Variants in KCNK10 observed in about 807,000 individuals in gnomAD.
KCNK10 encodes the protein potassium two pore domain channel subfamily K member 10, also known as potassium channel subfamily K member 10.
A neutral mutation model predicts 47.7 loss-of-function variants in KCNK10; 25 were observed. That is an observed-to-expected ratio of 0.52 (90% CI 0.38 to 0.73). KCNK10 has a LOEUF of 0.73. Ranked by LOEUF, KCNK10 falls within the 30% of genes least tolerant of loss-of-function variation. The pLI, the probability that KCNK10 is intolerant of heterozygous loss-of-function variation, is 0.00. For synonymous variants in KCNK10, 303 were observed against 285.6 expected (o/e 1.06, Z -0.61); for missense variants, 563 against 714.5 (o/e 0.79, Z 2.42).
chr14:88,314,634 G>C (rs1397101255), intron 1 of KCNK10, among the ~76,000 whole-genome samples: 2 of 152,146 alleles, frequency 1.3e-5, no homozygotes, highest in African/African-American at 4.8e-5. Flanking sequence ...AGAGTATCAG[G>C]AGGGTTGTGC....
Position 88,263,373 on chromosome 14 carries a change from C to T in KCNK10, c.231G>A (p.Val77=). ...GLQTVMKWKT[V]VAIFVVVVVY... is the part of the protein sequence containing the mutation. ...CCACCACAACCACAAAGATGGCAACCACCGTCTTCCACTTCATGACGGTCT... is the reference window on the plus strand; with the variant it reads ...CCACCACAACCACAAAGATGGCAACTACCGTCTTCCACTTCATGACGGTCT... The change falls in exon 2 of 7, where the codon GTG becomes GTA. Residue 77 remains valine, a synonymous_variant. Transcript: ENST00000319231. 1 of 1,614,030 alleles carries T rather than the reference C, an allele frequency of 6.2e-7. No individual in the cohort carries two copies. Among genetic ancestry groups the T allele is most frequent in the Non-Finnish European group, 8.5e-7 (1 of 1,180,052 alleles).
rs11446535 is a variant in KCNK10 at position 88,220,604 on chromosome 14, G to GAA, written c.681+6769_681+6770dup. On this transcript the variant is annotated intron_variant, in intron 4 of 6. Coordinates refer to ENST00000319231, the MANE Select transcript of KCNK10 (RefSeq NM_138317.3). The stretch of plus-strand genomic sequence containing the variant: ...AAAGGAGCAAAGGCGACAACATGGA[G>GAA]AAAAAAAAAAAGGTCTTTTCAACAA... 3.7e-3 allele frequency among the ~76,000 whole-genome samples: 535 copies of GAA among 143,014 alleles called. 3 individuals carry two copies. The highest frequency in any genetic ancestry group is 0.013 in the African/African-American group (490 of 38,640). 93.8% of individuals were successfully genotyped at this position (143,014 alleles called of 152,430 possible).
chr14:88,322,255 G>GC lies in KCNK10; in HGVS notation c.52+491dup, dbSNP rs1467926636. 2.6e-5 allele frequency among the ~76,000 whole-genome samples: 4 copies of GC among 152,148 alleles called. No homozygotes were observed. The highest frequency in any genetic ancestry group is 9.7e-5 in the African/African-American group (4 of 41,412). On this transcript the variant is annotated intron_variant, in intron 1 of 6. Coordinates refer to ENST00000319231, the MANE Select transcript of KCNK10 (RefSeq NM_138317.3). This position sits in a 1 kb window ranked among gnomAD's most constrained non-coding sequence, Gnocchi z 4.8. ...TTATTCTGCATGCCCTGCGAGAACG[G>GC]CCCACCCCTAGGGACGGCTGCTGCA... is the stretch of plus-strand genomic sequence containing the variant.
At chr14:88,203,446 C>T (rs913221578) in intron 4 of KCNK10, among the ~76,000 whole-genome samples, 8 of 152,208 alleles carry the variant, frequency 5.3e-5, no homozygotes, top group African/African-American at 1.9e-4. Flanking sequence ...CTTCAGCTGC[C>T]TCGAGGCAGG....
rs58319931 is a variant in KCNK10, at chr14:88,279,364, CGTGTGTGTGTGTGTGTGTGTGTGTGT to C, written c.53-15839_53-15814del. 4.4e-5 allele frequency among the ~76,000 whole-genome samples: 6 copies of C among 137,674 alleles called. No homozygotes were observed. The East Asian group carries it at 1.3e-3, about 30-fold the overall frequency. 90.3% of individuals were successfully genotyped at this position (137,674 alleles called of 152,430 possible). On this transcript the variant is annotated intron_variant, in intron 1 of 6. Coordinates refer to ENST00000319231, the MANE Select transcript of KCNK10 (RefSeq NM_138317.3). Reference sequence around the variant, plus strand: ...TTAGTTAAGGGAGAATTGCCAGATACGTGTGTGTGTGTGTGTGTGTGTGTGTGTGTGTGTGTGTGTGTGTGTTACAA... The same window carrying C: ...TTAGTTAAGGGAGAATTGCCAGATACGTGTGTGTGTGTGTGTGTGTTACAA...
intron 2 of KCNK10, among the ~76,000 whole-genome samples, chr14:88,256,061 G>C (rs529283175): frequency 6.6e-6 from 1 of 152,320 alleles, no homozygotes; most frequent in African/African-American, 2.4e-5. Flanking sequence ...TCAGGGGTAA[G>C]ATTCTAGAGA....
chr14:88,311,905 G>A (rs934941027), intron 1 of KCNK10, among the ~76,000 whole-genome samples: 2 of 152,098 alleles, frequency 1.3e-5, no homozygotes, highest in South Asian at 2.1e-4. Flanking sequence ...GAACCAGAAG[G>A]GGGGCACAGT....
intron 1 of KCNK10, among the ~76,000 whole-genome samples, chr14:88,318,054 G>A (rs12884581): frequency 2.6e-5 from 4 of 151,954 alleles, no homozygotes; most frequent in Non-Finnish European, 5.9e-5. Context: ...TTCTTACTTC[G>A]GGTCAAAGAC....
intron 1 of KCNK10, among the ~76,000 whole-genome samples, chr14:88,291,446 G>T (rs760536429): frequency 7.9e-5 from 12 of 152,150 alleles, no homozygotes; most frequent in African/African-American, 2.7e-4. Flanking sequence ...AAGAGAATTC[G>T]CTGGAGAAAA....
Position 88,211,834 on chromosome 14 carries a change from T to C in KCNK10, c.681+15541A>G, listed in dbSNP as rs555473630. On this transcript the variant is annotated intron_variant, in intron 4 of 6. Coordinates refer to ENST00000319231, the MANE Select transcript of KCNK10 (RefSeq NM_138317.3). ...TTGCTTGAACCTGAGAGGCAGAGGT[T>C]GCAGTGAGCCGAGATCGTGCCATTG... Among the ~76,000 whole-genome samples, 94 of 149,020 alleles carry C rather than the reference T, an allele frequency of 6.3e-4. No homozygotes were observed. In the Middle Eastern group the frequency reaches 0.024, roughly 39 times the overall value.
At chr14:88,212,872 A>G (rs1885505815) in intron 4 of KCNK10, among the ~76,000 whole-genome samples, 1 of 152,244 alleles carries the variant, frequency 6.6e-6, no homozygotes, top group African/African-American at 2.4e-5. Flanking sequence ...GATTCAGTTC[A>G]GGAGAGTGCA....
chr14:88,268,611 C>T lies in KCNK10; in HGVS notation c.53-5060G>A, dbSNP rs527828193. ...GCCCTTTTATCCCAAAAAATAGGAACGACATTTGTTTCAAATAGGCATTAA... is the reference window on the plus strand; with the variant it reads ...GCCCTTTTATCCCAAAAAATAGGAATGACATTTGTTTCAAATAGGCATTAA... On this transcript the variant is annotated intron_variant, in intron 1 of 6. Transcript: ENST00000319231. Among the ~76,000 whole-genome samples, 26 of 152,200 alleles carry T rather than the reference C, an allele frequency of 1.7e-4. No individual in the cohort carries two copies. The East Asian group carries it at 1.9e-3, about 11-fold the overall frequency.
At chr14:88,214,466 G>A (rs371914402) in intron 4 of KCNK10, among the ~76,000 whole-genome samples, 5 of 152,174 alleles carry the variant, frequency 3.3e-5, no homozygotes, top group African/African-American at 9.7e-5. Context: ...CTCTCGCAGA[G>A]GTGGGTCAAA....
intron 2 of KCNK10, among the ~76,000 whole-genome samples, chr14:88,248,196 T>A (rs1277157823): frequency 6.6e-6 from 1 of 152,152 alleles, no homozygotes; most frequent in Admixed American, 6.5e-5. Flanking sequence ...TTTCTATTTT[T>A]AAAAAACTGT....
intron 4 of KCNK10, among the ~76,000 whole-genome samples, chr14:88,226,987 T>G (rs1566692820): frequency 6.6e-6 from 1 of 152,076 alleles, no homozygotes; most frequent in African/African-American, 2.4e-5. Context: ...TGCTTGAAAA[T>G]AAAACGGAGT....
At chr14:88,300,512 G>A (rs1396680555) in intron 1 of KCNK10, among the ~76,000 whole-genome samples, 1 of 152,154 alleles carries the variant, frequency 6.6e-6, no homozygotes, top group Non-Finnish European at 1.5e-5. Context: ...CATAATATGA[G>A]AAACCAAAGG....
intron 3 of KCNK10, among the ~76,000 whole-genome samples, chr14:88,231,455 C>T (rs755321424): frequency 6.6e-6 from 1 of 152,160 alleles, no homozygotes; most frequent in Non-Finnish European, 1.5e-5. Context: ...TGGGCAGAGT[C>T]AGGTGGCTCA....
At chr14:88,209,990 T>C (rs1171656948) in intron 4 of KCNK10, among the ~76,000 whole-genome samples, 2 of 152,214 alleles carry the variant, frequency 1.3e-5, no homozygotes, top group African/African-American at 2.4e-5. Flanking sequence ...GGTGCTTGTG[T>C]GATGTGAAAT....
intron 1 of KCNK10, among the ~76,000 whole-genome samples, chr14:88,275,954 G>C (rs558822037): frequency 5.9e-5 from 9 of 152,252 alleles, no homozygotes; most frequent in African/African-American, 1.9e-4. Flanking sequence ...GCCAGAAAGA[G>C]AGAAGCCCCC....
Sources: allele counts gnomAD v4.1 joint callset (sites outside exome capture counted in the v4.1 genomes callset), GRCh38; gene constraint gnomAD v4.1.1; non-coding constraint Gnocchi (gnomAD v3.1); transcripts MANE v1.5; gene names NCBI Gene and HGNC (gene_info 2026-07-23, HGNC 2026-07-21).